The following SRBD1 variants were observed in gnomAD, a reference collection of about 807,000 sequenced individuals.
SRBD1 encodes S1 RNA binding domain 1.
Under a neutral mutation model 115.3 loss-of-function variants are expected in SRBD1, and 88 were observed. The ratio of observed to expected loss-of-function variants is 0.76; its 90% CI spans 0.64 to 0.91. The LOEUF (loss-of-function observed/expected upper bound fraction) is 0.91. SRBD1 is among the 40% of genes least tolerant of loss of function. The pLI is 0.00. For missense variants in SRBD1, 1,385 were observed against 1,177.4 expected, an observed-to-expected ratio of 1.18 and a Z score of -2.58; for synonymous variants, 509 against 407.7, an observed-to-expected ratio of 1.25 and a Z score of -2.99.
chr2:45,603,582 T>C (rs1036716729), intron 2 of SRBD1, among the ~76,000 whole-genome samples: 8 of 152,188 alleles, frequency 5.3e-5, no homozygotes, highest in Non-Finnish European at 1.2e-4. Flanking sequence ...CAGGCTGGAG[T>C]GCAGTGACGT....
At chr2:45,466,506 T>C (rs1669494908) in intron 16 of SRBD1, among the ~76,000 whole-genome samples, 1 of 152,236 alleles carries the variant, frequency 6.6e-6, no homozygotes, top group Admixed American at 6.5e-5. Context: ...GTCTCTCAAA[T>C]GCTTACACTT....
chr2:45,465,686 G>C (rs554921359), intron 16 of SRBD1, among the ~76,000 whole-genome samples: 3 of 152,272 alleles, frequency 2.0e-5, no homozygotes, highest in Admixed American at 1.3e-4. Flanking sequence ...AATTTTAAGT[G>C]AAAGGCTACA....
rs766816947 is a variant in SRBD1, at chr2:45,546,731, C to A, written c.1874+1G>T. The A allele has an allele frequency of 3.1e-6, 5 of 1,613,586 alleles. No individual in the cohort carries two copies. The highest frequency in any genetic ancestry group is 2.5e-6 in the Non-Finnish European group (3 of 1,179,684). On this transcript the variant is annotated splice_donor_variant, in intron 14 of 20. Coordinates refer to ENST00000263736, the MANE Select transcript of SRBD1 (RefSeq NM_018079.5). LOFTEE classifies it high-confidence loss of function. The stretch of plus-strand genomic sequence containing the variant: ...AAAAGAGATATATGTAATAGCCTTA[C>A]CAGTAAACAACATCCAGTGGTGCAA...
intron 16 of SRBD1, among the ~76,000 whole-genome samples, chr2:45,445,606 G>A (rs968599145): frequency 9.7e-5 from 12 of 123,530 alleles, no homozygotes; most frequent in Admixed American, 8.3e-4. Flanking sequence ...TGTTAGTCAA[G>A]CCACGGAACA....
intron 9 of SRBD1, among the ~76,000 whole-genome samples, chr2:45,566,093 C>T (rs1310406433): frequency 6.6e-6 from 1 of 152,154 alleles, no homozygotes; most frequent in East Asian, 1.9e-4. Flanking sequence ...GAAATCGGAA[C>T]CTTCACAAAC....
Position 45,602,087 on chromosome 2 carries a change from G to T in SRBD1, c.81-4C>A, listed in dbSNP as rs200107301. ...ATCTTCTTCAGAGGCAGATGATCTAGAAGTAAATCAACAGAATAATCTCCA... is the reference window on the plus strand; with the variant it reads ...ATCTTCTTCAGAGGCAGATGATCTATAAGTAAATCAACAGAATAATCTCCA... On this transcript the variant is annotated splice_polypyrimidine_tract_variant and splice_region_variant and intron_variant, in intron 2 of 20. Coordinates refer to ENST00000263736, the MANE Select transcript of SRBD1 (RefSeq NM_018079.5). 4.8e-5 allele frequency: 77 copies of T among 1,607,722 alleles called. No individual in the cohort carries two copies. The African/African-American group carries it at 9.1e-4, about 19-fold the overall frequency.
chr2:45,606,573 C>T (rs529765529), intron 1 of SRBD1, among the ~76,000 whole-genome samples: 1 of 152,250 alleles, frequency 6.6e-6, no homozygotes, highest in South Asian at 2.1e-4. Flanking sequence ...ACAAGATAAT[C>T]ATTCCCTTAT....
chr2:45,532,647 G>A (rs575147315), intron 14 of SRBD1, among the ~76,000 whole-genome samples: 3 of 151,850 alleles, frequency 2.0e-5, no homozygotes, highest in East Asian at 1.9e-4. Flanking sequence ...CAAAATGCAA[G>A]TGCTATGAAG....
intron 7 of SRBD1, among the ~76,000 whole-genome samples, chr2:45,578,599 T>A (rs987200008): frequency 1.3e-5 from 2 of 152,154 alleles, no homozygotes; most frequent in East Asian, 3.9e-4. Context: ...TTCTACAGAT[T>A]AGTACATACT....
chr2:45,457,665 G>C (rs559908429), intron 16 of SRBD1, among the ~76,000 whole-genome samples: 2 of 151,974 alleles, frequency 1.3e-5, no homozygotes, highest in Non-Finnish European at 2.9e-5. Flanking sequence ...AAAATACCCC[G>C]ACAAACACTT....
intron 9 of SRBD1, 59 bp from the exon 10 acceptor site, chr2:45,562,815 C>A: frequency 8.9e-7 from 1 of 1,126,192 alleles, no homozygotes; most frequent in Non-Finnish European, 1.3e-6. Context: ...ACAAATCAGG[C>A]GACTATGTAG....
At chr2:45,463,354 T>A (rs1374626206) in intron 16 of SRBD1, among the ~76,000 whole-genome samples, 1 of 152,222 alleles carries the variant, frequency 6.6e-6, no homozygotes, top group Non-Finnish European at 1.5e-5. Flanking sequence ...AAATTTAAAA[T>A]GTAACATAAT....
At chr2:45,601,844 A>G in intron 3 of SRBD1, 59 bp downstream of exon 3, 1 of 1,581,592 alleles carries the variant, frequency 6.3e-7, no homozygotes, top group Non-Finnish European at 8.6e-7. Context: ...GAATAAGAAA[A>G]TAACATCACC....
intron 2 of SRBD1, among the ~76,000 whole-genome samples, chr2:45,605,007 A>T (rs1674221187): frequency 6.6e-6 from 1 of 152,210 alleles, no homozygotes; most frequent in South Asian, 2.1e-4. Flanking sequence ...TACAAGAAAA[A>T]AGATAGCCCC....
intron 14 of SRBD1, among the ~76,000 whole-genome samples, chr2:45,514,989 C>T (rs1181817155): frequency 6.6e-6 from 1 of 152,116 alleles, no homozygotes; most frequent in Non-Finnish European, 1.5e-5. Context: ...CTGGATGTCA[C>T]TTTTTAATTT....
chr2:45,518,355 C>A (rs17033779), intron 14 of SRBD1, among the ~76,000 whole-genome samples: 2 of 152,082 alleles, frequency 1.3e-5, no homozygotes, highest in African/African-American at 4.8e-5. Context: ...CTATACCTAC[C>A]TTCTAATTTA....
intron 16 of SRBD1, among the ~76,000 whole-genome samples, chr2:45,442,081 A>G (rs979164018): frequency 9.9e-5 from 15 of 152,240 alleles, no homozygotes; most frequent in Non-Finnish European, 2.1e-4. Flanking sequence ...ACTAAAGTAC[A>G]GCATCTTGTC....
intron 9 of SRBD1, among the ~76,000 whole-genome samples, chr2:45,566,960 A>T (rs1240363262): frequency 6.6e-6 from 1 of 152,190 alleles, no homozygotes; most frequent in Non-Finnish European, 1.5e-5. Flanking sequence ...CTCCCTTTAC[A>T]GGACACAAAC....
Position 45,520,407 on chromosome 2 carries a change from G to A in SRBD1, c.1874+26325C>T, listed in dbSNP as rs376282907. 3.0e-4 allele frequency among the ~76,000 whole-genome samples: 45 copies of A among 152,332 alleles called. 1 individual carries two copies. In the East Asian group the frequency reaches 8.1e-3, roughly 27 times the overall value. Reference sequence around the variant, plus strand: ...ACACTGCCACAGGCTGTTTGCTTTAGGCATTTCTGGTGACAGTTACAAGAT... The same window carrying A: ...ACACTGCCACAGGCTGTTTGCTTTAAGCATTTCTGGTGACAGTTACAAGAT... On this transcript the variant is annotated intron_variant, in intron 14 of 20. Coordinates refer to ENST00000263736, the MANE Select transcript of SRBD1 (RefSeq NM_018079.5).
Sources: gnomAD v4.1 joint callset for allele counts (sites outside exome capture counted in the v4.1 genomes callset) on GRCh38, gnomAD v4.1.1 for gene constraint, MANE v1.5 for transcripts, NCBI Gene and HGNC (gene_info 2026-07-23, HGNC 2026-07-21) for gene names.